SLC68A1: variants seen among roughly 807,000 people sequenced by gnomAD.
The protein encoded by SLC68A1 is solute carrier family 68 member 1.
At chr10:102,475,932 C>T in the SLC68A1 span, 1 of 1,613,440 alleles carries the variant, frequency 6.2e-7, no homozygotes, top group Non-Finnish European at 8.5e-7. Context: ...ATGGTCAAGG[C>T]CCAGCGCCAG....
the SLC68A1 span, among the ~76,000 whole-genome samples, chr10:102,471,718 C>T: frequency 6.6e-6 from 1 of 151,722 alleles, no homozygotes; most frequent in Admixed American, 6.6e-5. Flanking sequence ...AAGATGGCAC[C>T]ACTGTACTCC....
chr10:102,472,461 G>A, the SLC68A1 span, among the ~76,000 whole-genome samples: 20 of 152,054 alleles, frequency 1.3e-4, no homozygotes, highest in African/African-American at 4.6e-4. Context: ...ACGGGGTTTC[G>A]CCATGTTGGC....
the SLC68A1 span, chr10:102,476,042 G>GTGT: frequency 1.0e-6 from 1 of 958,162 alleles, no homozygotes; most frequent in Non-Finnish European, 1.3e-6. Context: ...GAAGGAGCCA[G>GTGT]TTTTTTTTGG....
chr10:102,472,150 A>C, the SLC68A1 span: 2 of 391,344 alleles, frequency 5.1e-6, no homozygotes, highest in Non-Finnish European at 1.0e-5. Context: ...GCGGCAGAGA[A>C]AGGCTCCATC....
chr10:102,475,446 G>A, the SLC68A1 span, among the ~76,000 whole-genome samples: 1 of 152,150 alleles, frequency 6.6e-6, no homozygotes, highest in Admixed American at 6.6e-5. Flanking sequence ...TTTTGGAGTT[G>A]GGGGGAGATG....
the SLC68A1 span, chr10:102,473,838 G>T: frequency 6.2e-7 from 1 of 1,612,198 alleles, no homozygotes; most frequent in East Asian, 2.2e-5. Context: ...CTTCACTGAG[G>T]GCACCTGTAA....
chr10:102,473,948 G>A, the SLC68A1 span: 1 of 1,613,046 alleles, frequency 6.2e-7, no homozygotes, highest in Non-Finnish European at 8.5e-7. Context: ...TGGTTGCCTT[G>A]GTGACCAAGC....
chr10:102,474,081 G>T, the SLC68A1 span: 1 of 1,450,626 alleles, frequency 6.9e-7, no homozygotes. Flanking sequence ...CACAGTGGCT[G>T]GCAAGCCTGG....
the SLC68A1 span, chr10:102,469,294 C>G: frequency 7.8e-7 from 1 of 1,283,158 alleles, no homozygotes; most frequent in East Asian, 2.3e-5. Context: ...CCTGGTCCCA[C>G]CCAGTCAGAG....
chr10:102,475,890 C>G, the SLC68A1 span: 1 of 1,613,878 alleles, frequency 6.2e-7, no homozygotes, highest in South Asian at 1.1e-5. Context: ...TTCACCTGGT[C>G]CCAGTTCACG....
chr10:102,470,963 T>C, the SLC68A1 span: 1 of 1,613,350 alleles, frequency 6.2e-7, no homozygotes, highest in Non-Finnish European at 8.5e-7. Flanking sequence ...CTATGCCTTT[T>C]GGAACAAGGA....
At chr10:102,471,464 A>G in the SLC68A1 span, 27 of 1,581,956 alleles carry the variant, frequency 1.7e-5, 1 homozygote, top group African/African-American at 1.9e-4. Context: ...AGACTCCTCA[A>G]GAGCTGGGAA....
At chr10:102,470,821 C>A in the SLC68A1 span, 2 of 1,613,710 alleles carry the variant, frequency 1.2e-6, no homozygotes, top group Non-Finnish European at 1.7e-6. Context: ...TCTATGATGG[C>A]TTCCTGACGC....
chr10:102,473,626 C>T, the SLC68A1 span: 6 of 1,613,960 alleles, frequency 3.7e-6, no homozygotes, highest in African/African-American at 2.7e-5. Context: ...CCTGTGCCGG[C>T]GCTGGGGCGT....
chr10:102,470,027 C>T, the SLC68A1 span: 1 of 1,614,084 alleles, frequency 6.2e-7, no homozygotes, highest in Non-Finnish European at 8.5e-7. Flanking sequence ...CTCAATGACC[C>T]CCTCTTCGGT....
At chr10:102,465,728 G>C in the SLC68A1 span, among the ~76,000 whole-genome samples, 1 of 152,214 alleles carries the variant, frequency 6.6e-6, no homozygotes, top group African/African-American at 2.4e-5. Flanking sequence ...TTCCCTGGGA[G>C]AGGTGGGGCT....
At chr10:102,470,549 C>T in the SLC68A1 span, 2 of 1,490,938 alleles carry the variant, frequency 1.3e-6, no homozygotes, top group Non-Finnish European at 1.8e-6. Flanking sequence ...GTGGCACCAC[C>T]CTGTTGTGAG....
the SLC68A1 span, chr10:102,470,215 G>C: frequency 1.3e-6 from 1 of 796,984 alleles, no homozygotes. Flanking sequence ...CCTTACTGGG[G>C]TCCAGGGTGC....
the SLC68A1 span, among the ~76,000 whole-genome samples, chr10:102,465,250 C>T: frequency 7.9e-5 from 12 of 151,634 alleles, no homozygotes; most frequent in Non-Finnish European, 2.9e-5. Flanking sequence ...CAGAGCAAGA[C>T]TCCATCTCTA....
Sources: gnomAD v4.1 joint callset for allele counts (sites outside exome capture counted in the v4.1 genomes callset) on GRCh38, gnomAD v4.1.1 for gene constraint, MANE v1.5 for transcripts, NCBI Gene and HGNC (gene_info 2026-07-23, HGNC 2026-07-21) for gene names.